SLC25A42: variants seen among roughly 807,000 people sequenced by gnomAD.
SLC25A42 encodes solute carrier family 25 member 42.
In SLC25A42, 19 loss-of-function variants were observed where a neutral mutation model predicts 34.7. The ratio of observed to expected loss-of-function variants is 0.55; its 90% CI spans 0.38 to 0.80. The LOEUF is 0.80. SLC25A42 is among the 30% of genes least tolerant of loss of function. The probability of loss-of-function intolerance (pLI) is 0.00; values close to 1 mark genes in which losing one functional copy is unlikely to be tolerated. For synonymous variants in SLC25A42, 205 were observed against 191.2 expected (o/e 1.07, Z -0.59); for missense variants, 364 against 441.3 (o/e 0.82, Z 1.57).
At chr19:19,082,434 A>G (rs920301136) in intron 1 of SLC25A42, among the ~76,000 whole-genome samples, 4 of 152,156 alleles carry the variant, frequency 2.6e-5, no homozygotes, top group African/African-American at 9.7e-5. Flanking sequence ...GCTGGAGTGC[A>G]GTGGCACAAC....
intron 3 of SLC25A42, among the ~76,000 whole-genome samples, chr19:19,104,090 T>A (rs889229945): frequency 6.6e-6 from 1 of 152,058 alleles, no homozygotes; most frequent in Admixed American, 6.6e-5. Context: ...TGTACTTTTT[T>A]TTAGTAGAGT....
chr19:19,064,228 C>T (rs2059589382), intron 1 of SLC25A42, 113 bp downstream of exon 1: 1 of 152,000 alleles, frequency 6.6e-6, no homozygotes, highest in East Asian at 1.9e-4. Flanking sequence ...CCCCACACTC[C>T]ACGTCTACTG....
chr19:19,088,407 C>T (rs542107293), intron 1 of SLC25A42, among the ~76,000 whole-genome samples: 37 of 151,768 alleles, frequency 2.4e-4, no homozygotes, highest in Non-Finnish European at 4.3e-4. Context: ...GGGGTTTCAA[C>T]GTGTTAGCCA....
intron 1 of SLC25A42, among the ~76,000 whole-genome samples, chr19:19,095,759 T>A (rs780468475): frequency 6.6e-6 from 1 of 152,330 alleles, no homozygotes; most frequent in South Asian, 2.1e-4. Context: ...CTGACAGTGG[T>A]GTTGGCACTG....
rs537064666 is a variant in SLC25A42 at position 19,107,939 on chromosome 19, G to A, written c.543G>A (p.Glu181=). Residue 181 remains glutamate (E), a synonymous_variant, in exon 7 of 8, where the codon GAG becomes GAA. Coordinates refer to ENST00000318596, the MANE Select transcript of SLC25A42 (RefSeq NM_178526.5). The part of the protein sequence containing the change: ...FHVFIRISRE[E]GLKTLYHGFM... ...TCTTCATCCGCATCTCGAGAGAAGA[G>A]GGGCTGAAGACTCTCTACCATGGAT... 5.0e-6 allele frequency: 8 copies of A among 1,614,152 alleles called. No individual in the cohort carries two copies. The East Asian group carries it at 1.3e-4, about 27-fold the overall frequency.
chr19:19,102,659 G>A (rs913125464), intron 3 of SLC25A42, among the ~76,000 whole-genome samples: 9 of 152,018 alleles, frequency 5.9e-5, no homozygotes, highest in African/African-American at 9.7e-5. Context: ...CAGGAGAATC[G>A]CTTGAACCTG....
chr19:19,073,467 A>G (rs1209115847), intron 1 of SLC25A42, among the ~76,000 whole-genome samples: 6 of 152,190 alleles, frequency 3.9e-5, no homozygotes, highest in African/African-American at 1.4e-4. Flanking sequence ...ACTGCGGCCA[A>G]AGCAAAACTT....
intron 1 of SLC25A42, among the ~76,000 whole-genome samples, chr19:19,075,844 G>A (rs527266606): frequency 2.0e-5 from 3 of 152,290 alleles, no homozygotes; most frequent in South Asian, 4.1e-4. Flanking sequence ...ACTCTGCCCT[G>A]CAGTCTCACA....
In SLC25A42 at chr19:19,081,366, G is replaced by GA. The variant is rs2059681251; in HGVS notation, c.-34-14722dup. Among the ~76,000 whole-genome samples the GA allele has an allele frequency of 6.6e-6, 1 of 152,128 alleles. No homozygotes were observed. The highest frequency in any genetic ancestry group is 2.1e-4 in the South Asian group (1 of 4,832). Reference sequence around the variant, plus strand: ...AGTGACACCCCAACAACAGAACCTGGAAAGAAGTGTTTCCAGTGCCAGTTG... The same window carrying GA: ...AGTGACACCCCAACAACAGAACCTGGAAAAGAAGTGTTTCCAGTGCCAGTTG... On this transcript the variant is annotated intron_variant, in intron 1 of 7. Coordinates refer to ENST00000318596, the MANE Select transcript of SLC25A42 (RefSeq NM_178526.5). This position sits in a 1 kb window ranked among gnomAD's most constrained non-coding sequence, Gnocchi z 4.5.
At chr19:19,095,215 C>A (rs201522510) in intron 1 of SLC25A42, among the ~76,000 whole-genome samples, 3 of 149,380 alleles carry the variant, frequency 2.0e-5, no homozygotes, top group Non-Finnish European at 3.0e-5. Context: ...AAAACAAAAA[C>A]AAAAAAAAAC....
intron 1 of SLC25A42, among the ~76,000 whole-genome samples, chr19:19,091,812 G>A (rs1429931614): frequency 6.6e-6 from 1 of 152,184 alleles, no homozygotes; most frequent in African/African-American, 2.4e-5. Context: ...AGGAGGTCGA[G>A]GCTATAGTGA....
chr19:19,088,094 G>A (rs1414753049), intron 1 of SLC25A42, among the ~76,000 whole-genome samples: 1 of 152,030 alleles, frequency 6.6e-6, no homozygotes, highest in Non-Finnish European at 1.5e-5. Flanking sequence ...CAGTTTTGTT[G>A]CCATGTATGG....
rs138361497 is a variant in SLC25A42 at position 19,070,592 on chromosome 19, G to A, written c.-35+6477G>A. Among the ~76,000 whole-genome samples the A allele has an allele frequency of 2.0e-5, 3 of 152,146 alleles. No individual in the cohort carries two copies. The East Asian group carries it at 5.8e-4, about 29-fold the overall frequency. ...TTACAGATGTGAACCACTCCCGGCC[G>A]ATCCCCTCTTCTTATAAGGACACTA... On this transcript the variant is annotated intron_variant, in intron 1 of 7. Transcript: ENST00000318596.
intron 1 of SLC25A42, among the ~76,000 whole-genome samples, chr19:19,087,237 G>C (rs767270722): frequency 6.6e-6 from 1 of 151,832 alleles, no homozygotes; most frequent in Non-Finnish European, 1.5e-5. Context: ...GGTTTATTCG[G>C]TTATTCATGT....
chr19:19,098,736 G>A (rs565490886), intron 2 of SLC25A42, among the ~76,000 whole-genome samples: 11 of 152,300 alleles, frequency 7.2e-5, no homozygotes, highest in Admixed American at 2.0e-4. Flanking sequence ...CCTGGGCAAC[G>A]TGGAGAAACC....
intron 1 of SLC25A42, among the ~76,000 whole-genome samples, chr19:19,093,145 C>T (rs1162641503): frequency 3.9e-5 from 6 of 152,122 alleles, no homozygotes; most frequent in South Asian, 2.1e-4. Context: ...CTCAGCCTCT[C>T]GAGTACCTGG....
chr19:19,093,722 G>A (rs1157045403), intron 1 of SLC25A42, among the ~76,000 whole-genome samples: 4 of 152,184 alleles, frequency 2.6e-5, no homozygotes, highest in Non-Finnish European at 5.9e-5. Context: ...GTGTCACCCA[G>A]GCTGGAATGC....
In SLC25A42 at chr19:19,081,779, T is replaced by A. The variant is rs528989828; in HGVS notation, c.-34-14312T>A. ...GAGTGGTCCCGTGGTGTCCTCTGGC[T>A]TCCTTGCCTCACTGTCCTCTTCGCT... On this transcript the variant is annotated intron_variant, in intron 1 of 7. Coordinates refer to ENST00000318596, the MANE Select transcript of SLC25A42 (RefSeq NM_178526.5). The surrounding 1 kb of genome is among the most constrained non-coding windows in gnomAD (Gnocchi z 4.5). Among the ~76,000 whole-genome samples the A allele has an allele frequency of 9.8e-5, 15 of 152,338 alleles. No individual in the cohort carries two copies. The highest frequency in any genetic ancestry group is 3.4e-4 in the African/African-American group (14 of 41,572).
chr19:19,090,806 G>T (rs925962231), intron 1 of SLC25A42, among the ~76,000 whole-genome samples: 2 of 152,148 alleles, frequency 1.3e-5, no homozygotes, highest in Admixed American at 1.3e-4. Context: ...CCACCTGAGG[G>T]TCTCATGACC....
Sources: gnomAD v4.1 joint callset for allele counts (sites outside exome capture counted in the v4.1 genomes callset) on GRCh38, gnomAD v4.1.1 for gene constraint, Gnocchi (gnomAD v3.1) non-coding constraint, MANE v1.5 for transcripts, NCBI Gene and HGNC (gene_info 2026-07-23, HGNC 2026-07-21) for gene names.